The following ATP6V1A variants were observed in gnomAD, a reference collection of about 807,000 sequenced individuals.
ATP6V1A encodes V-type proton ATPase catalytic subunit A.
A neutral mutation model predicts 70.1 loss-of-function variants in ATP6V1A; 18 were observed. The observed-to-expected ratio is 0.26, with a 90% CI of 0.18 to 0.38. The LOEUF is 0.38. Ranked by LOEUF, ATP6V1A falls within the 10% of genes least tolerant of loss-of-function variation. ATP6V1A has a pLI of 1.00. For missense variants in ATP6V1A, 424 were observed against 772.4 expected (o/e 0.55, Z 5.35); for synonymous variants, 232 against 253.8 (o/e 0.91, Z 0.82).
chr3:113,747,567 T>C (rs1270551925), intron 1 of ATP6V1A, among the ~76,000 whole-genome samples: 1 of 152,174 alleles, frequency 6.6e-6, no homozygotes, highest in Non-Finnish European at 1.5e-5. Flanking sequence ...TGGGAGGGAC[T>C]GTCACTGATA....
chr3:113,789,968 T>C (rs948250568), intron 8 of ATP6V1A, 128 bp downstream of exon 8: 2 of 653,660 alleles, frequency 3.1e-6, no homozygotes, highest in African/African-American at 3.7e-5. Flanking sequence ...CATTCCTAGC[T>C]TTTAAAAAAT....
At chr3:113,748,989 C>G (rs1297291550) in intron 1 of ATP6V1A, among the ~76,000 whole-genome samples, 1 of 152,102 alleles carries the variant, frequency 6.6e-6, no homozygotes, top group East Asian at 1.9e-4. Flanking sequence ...AGGAGAATTC[C>G]TTATGTGGTC....
rs1323102234 is a variant in ATP6V1A, at chr3:113,798,254, C to T, written c.1302C>T (p.Gly434=). The change falls in exon 12 of 15, where the codon GGC becomes GGT. Residue 434 remains glycine, a synonymous_variant. Transcript: ENST00000273398. ...TTTTTTTTAATCAGGTGTTCTGGGG[C>T]TTAGATAAGAAACTAGCTCAACGTA... The part of the protein sequence containing the change: ...ATLGIVQVFW[G]LDKKLAQRKH... 1 of 1,613,502 alleles carries T rather than the reference C, an allele frequency of 6.2e-7. No homozygotes were observed.
chr3:113,760,947 G>A (rs1708697223), intron 1 of ATP6V1A, among the ~76,000 whole-genome samples: 1 of 151,756 alleles, frequency 6.6e-6, no homozygotes, highest in South Asian at 2.1e-4. Flanking sequence ...CACACCTGCG[G>A]TCTCAGCTAT....
intron 1 of ATP6V1A, among the ~76,000 whole-genome samples, chr3:113,771,271 T>C (rs1708837145): frequency 6.6e-6 from 1 of 152,122 alleles, no homozygotes; most frequent in South Asian, 2.1e-4. Flanking sequence ...TATTCACAGA[T>C]AATAAAGAAG....
intron 1 of ATP6V1A, among the ~76,000 whole-genome samples, chr3:113,767,811 C>T (rs924400389): frequency 2.0e-5 from 3 of 152,144 alleles, no homozygotes; most frequent in African/African-American, 7.2e-5. Context: ...CCACCATGCC[C>T]AGCTAATGTT....
At chr3:113,798,162 G>T in intron 11 of ATP6V1A, 81 bp from the exon 12 acceptor site, 1 of 1,481,866 alleles carries the variant, frequency 6.7e-7, no homozygotes, top group Non-Finnish European at 9.4e-7. Context: ...TTGCATAGTT[G>T]GGACAAACAT....
intron 1 of ATP6V1A, among the ~76,000 whole-genome samples, chr3:113,769,525 A>G (rs947405778): frequency 2.0e-5 from 3 of 152,182 alleles, no homozygotes; most frequent in Admixed American, 2.0e-4. Context: ...TTGGAATCTT[A>G]GTGTTTAACT....
chr3:113,808,494 A>C (rs991393255), intron 14 of ATP6V1A, among the ~76,000 whole-genome samples: 4 of 151,846 alleles, frequency 2.6e-5, no homozygotes, highest in African/African-American at 9.7e-5. Flanking sequence ...GGGTTTCACC[A>C]TGTTGGCCAG....
intron 8 of ATP6V1A, among the ~76,000 whole-genome samples, chr3:113,792,424 A>G (rs1387417916): frequency 6.6e-6 from 1 of 151,618 alleles, no homozygotes; most frequent in East Asian, 1.9e-4. Context: ...TGCAGCTTTG[A>G]CCTCCTGGTC....
chr3:113,764,500 T>C (rs1291660348), intron 1 of ATP6V1A, among the ~76,000 whole-genome samples: 2 of 152,342 alleles, frequency 1.3e-5, no homozygotes, highest in East Asian at 3.9e-4. Flanking sequence ...GTGAGATCTT[T>C]CATTAGGTAT....
At chr3:113,799,756 A>G (rs1344423256) in intron 12 of ATP6V1A, among the ~76,000 whole-genome samples, 1 of 152,236 alleles carries the variant, frequency 6.6e-6, no homozygotes, top group Non-Finnish European at 1.5e-5. Flanking sequence ...CACTAGCAGT[A>G]CCAACTAGAA....
intron 1 of ATP6V1A, among the ~76,000 whole-genome samples, chr3:113,773,554 C>T (rs966972597): frequency 1.3e-5 from 2 of 152,148 alleles, no homozygotes; most frequent in African/African-American, 4.8e-5. Flanking sequence ...ATTTGGTTTC[C>T]GCTAATCATT....
intron 1 of ATP6V1A, among the ~76,000 whole-genome samples, chr3:113,762,045 T>C (rs1577081591): frequency 7.8e-6 from 1 of 128,466 alleles, no homozygotes; most frequent in East Asian, 2.5e-4. Flanking sequence ...GCAGCTACTC[T>C]GGAGGCTGAA....
At chr3:113,796,325 T>C (rs947623446) in intron 11 of ATP6V1A, among the ~76,000 whole-genome samples, 1 of 152,198 alleles carries the variant, frequency 6.6e-6, no homozygotes, top group Non-Finnish European at 1.5e-5. Context: ...TTCTGTTTAG[T>C]GATAATTCTG....
chr3:113,774,954 A>G (rs1708891749), intron 1 of ATP6V1A, among the ~76,000 whole-genome samples: 1 of 152,158 alleles, frequency 6.6e-6, no homozygotes. Context: ...ATACTTCTAG[A>G]AAAGGGTAGT....
intron 3 of ATP6V1A, among the ~76,000 whole-genome samples, chr3:113,782,562 GTATATATATACGTATATATATACACATA>G (rs1480934412): frequency 3.6e-5 from 5 of 139,724 alleles, no homozygotes; most frequent in South Asian, 4.5e-4. Flanking sequence ...ATATACATGT[GTATATATATACGTATATATATACACATA>G]TATATATATA....
chr3:113,759,629 C>G (rs1441287138), intron 1 of ATP6V1A, among the ~76,000 whole-genome samples: 1 of 151,798 alleles, frequency 6.6e-6, no homozygotes, highest in Non-Finnish European at 1.5e-5. Context: ...AATATTTAAT[C>G]ATAATTTTTG....
intron 1 of ATP6V1A, among the ~76,000 whole-genome samples, chr3:113,776,375 CA>C (rs572667193): frequency 2.0e-5 from 3 of 152,068 alleles, no homozygotes; most frequent in African/African-American, 4.8e-5. Context: ...CTCAAAAAAA[CA>C]AAAACAAAAA....
Sources: gnomAD v4.1 joint callset for allele counts (sites outside exome capture counted in the v4.1 genomes callset) on GRCh38, gnomAD v4.1.1 for gene constraint, MANE v1.5 for transcripts, NCBI Gene and HGNC (gene_info 2026-07-23, HGNC 2026-07-21) for gene names.